ABI3BP: variants seen among roughly 807,000 people sequenced by gnomAD.
The protein encoded by ABI3BP is target of Nesh-SH3.
A neutral mutation model predicts 268.6 loss-of-function variants in ABI3BP; 216 were observed. The observed-to-expected ratio is 0.80, with a 90% CI of 0.72 to 0.90. The LOEUF is 0.90. ABI3BP is among the 40% of genes least tolerant of loss of function. ABI3BP has a pLI of 0.00. For missense variants in ABI3BP, 2,090 were observed against 2,182.4 expected (o/e 0.96, Z 0.84); for synonymous variants, 730 against 730.0 (o/e 1.00, Z 0.00).
At chr3:100,956,787 CATG>C (rs916822623) in intron 1 of ABI3BP, among the ~76,000 whole-genome samples, 3 of 152,096 alleles carry the variant, frequency 2.0e-5, no homozygotes, top group Non-Finnish European at 4.4e-5. Flanking sequence ...GGAAACAGAT[CATG>C]ATAATAATGG....
In ABI3BP at chr3:100,750,023, C is replaced by CT. The variant is rs2095233997; in HGVS notation, c.*471dup. ...TAAATATAAATGTGAAAATTCGGAC[C>CT]TTTTTTCCCCAGATATACATGCTGA... On this transcript the variant is annotated 3_prime_UTR_variant, in exon 68 of 68. Coordinates refer to ENST00000471714, the MANE Select transcript of ABI3BP (RefSeq NM_001375547.2). 1 of 306,880 alleles carries CT rather than the reference C, an allele frequency of 3.3e-6. No homozygotes were observed. The highest frequency in any genetic ancestry group is 5.9e-6 in the Non-Finnish European group (1 of 169,888). 19.0% of individuals were successfully genotyped at this position (306,880 alleles called of 1,614,324 possible). A position where few individuals can be genotyped will look rare whatever the true frequency, so the allele number is the denominator to read the frequency against.
At position 100,850,571 on chromosome 3, in the gene ABI3BP, GAATGA is replaced by G. The variant is rs1298413707; in HGVS notation, c.1426+84_1426+88del. The G allele has an allele frequency of 1.5e-5, 14 of 932,862 alleles. No homozygotes were observed. The East Asian group carries it at 2.9e-4, about 19-fold the overall frequency. 57.8% of individuals were successfully genotyped at this position (932,862 alleles called of 1,614,324 possible). The stretch of plus-strand genomic sequence containing the variant: ...GATAGATAAATGATTAGATGTGATG[GAATGA>G]AATGGTCATTTGGAAGAAAGGCATT... On this transcript the variant is annotated intron_variant, in intron 16 of 67. Transcript: ENST00000471714.
intron 1 of ABI3BP, among the ~76,000 whole-genome samples, chr3:100,965,448 T>C (rs2080904349): frequency 6.6e-6 from 1 of 151,842 alleles, no homozygotes; most frequent in African/African-American, 2.4e-5. Flanking sequence ...AAGTACATCC[T>C]ATTAAATTTG....
chr3:100,917,320 C>T (rs1346343367), intron 2 of ABI3BP, among the ~76,000 whole-genome samples: 2 of 152,062 alleles, frequency 1.3e-5, no homozygotes, highest in African/African-American at 4.8e-5. Flanking sequence ...CATGGCATAG[C>T]ACTTGGTATG....
chr3:100,813,816 A>G lies in ABI3BP; in HGVS notation c.3290-81T>C, dbSNP rs140993976. On this transcript the variant is annotated intron_variant, in intron 44 of 67. Coordinates refer to ENST00000471714, the MANE Select transcript of ABI3BP (RefSeq NM_001375547.2). ...TTTTAGACAGAGGTAGCAGTGAAAT[A>G]AAATACACAGACCCTGAAAATCATG... is the stretch of plus-strand genomic sequence containing the variant. The G allele has an allele frequency of 9.6e-5, 112 of 1,170,722 alleles. No individual in the cohort carries two copies. The African/African-American group carries it at 1.3e-3, about 14-fold the overall frequency. The allele number at this position is 1,170,722 out of a possible 1,614,324, so 72.5% of individuals were successfully genotyped here.
At chr3:100,814,258 C>G (rs1480465713) in intron 44 of ABI3BP, among the ~76,000 whole-genome samples, 1 of 152,064 alleles carries the variant, frequency 6.6e-6, no homozygotes, top group East Asian at 1.9e-4. Context: ...TTCTCATGGA[C>G]TATTGTATCT....
chr3:100,919,728 A>C (rs1173306567), intron 2 of ABI3BP, among the ~76,000 whole-genome samples: 1 of 152,220 alleles, frequency 6.6e-6, no homozygotes, highest in Middle Eastern at 3.2e-3. Context: ...TTATCTGTTT[A>C]GTAGGACAGG....
intron 61 of ABI3BP, among the ~76,000 whole-genome samples, chr3:100,771,355 G>C (rs1019666107): frequency 3.3e-5 from 5 of 151,748 alleles, no homozygotes; most frequent in Admixed American, 6.6e-5. Flanking sequence ...GTATTTTACT[G>C]TATCCCAGAA....
rs1459278074 is a variant in ABI3BP, at chr3:100,816,768, G to A, written c.3149C>T (p.Ala1050Val). 7 of 1,535,570 alleles carry A rather than the reference G, an allele frequency of 4.6e-6. No individual in the cohort carries two copies. The highest frequency in any genetic ancestry group is 6.1e-6 in the Non-Finnish European group (7 of 1,146,556). ...ACGACGTGTCCGTTGTGTTTTAGGA[G>A]CTGAAGGAAGAAACTTTGGATTACT... ...FRTKFPETTLAPKTQRTRRPR... is the reference protein window; with the variant it reads ...FRTKFPETTLVPKTQRTRRPR... Residue 1050 changes from alanine to valine, a missense_variant and splice_region_variant, in exon 43 of 68, where the codon GCT (alanine) becomes GTT (valine). Coordinates refer to ENST00000471714, the MANE Select transcript of ABI3BP (RefSeq NM_001375547.2).
chr3:100,852,787 T>G (rs1054108484), intron 14 of ABI3BP, among the ~76,000 whole-genome samples: 2 of 152,212 alleles, frequency 1.3e-5, no homozygotes, highest in South Asian at 2.1e-4. Flanking sequence ...GAAAGTAGTA[T>G]GAGCTTAAAT....
intron 1 of ABI3BP, among the ~76,000 whole-genome samples, chr3:100,956,585 A>G (rs2076933500): frequency 6.6e-6 from 1 of 152,210 alleles, no homozygotes; most frequent in African/African-American, 2.4e-5. Flanking sequence ...ATATGTTTGT[A>G]TGTTTTTAAG....
intron 1 of ABI3BP, among the ~76,000 whole-genome samples, chr3:100,968,280 A>T (rs1176205813): frequency 6.6e-6 from 1 of 152,234 alleles, no homozygotes; most frequent in Non-Finnish European, 1.5e-5. Flanking sequence ...TAAAATGCCA[A>T]GGAAGGAATT....
At chr3:100,824,573 TCTAC>T (rs1329786995) in intron 36 of ABI3BP, among the ~76,000 whole-genome samples, 1 of 152,224 alleles carries the variant, frequency 6.6e-6, no homozygotes, top group African/African-American at 2.4e-5. Flanking sequence ...CTAAAGAAGT[TCTAC>T]CTTTAAGATG....
At chr3:100,829,278 G>C (rs749192126) in intron 33 of ABI3BP, among the ~76,000 whole-genome samples, 1 of 152,090 alleles carries the variant, frequency 6.6e-6, no homozygotes, top group Non-Finnish European at 1.5e-5. Context: ...TGTGACTTAC[G>C]TGACTCCTAT....
At chr3:100,844,510 G>T (rs1004953437) in intron 20 of ABI3BP, 2 of 961,876 alleles carry the variant, frequency 2.1e-6, no homozygotes, top group Non-Finnish European at 2.5e-6. Context: ...AAAAATAGAA[G>T]AGTGTGCGGA....
chr3:100,751,749 C>T, intron 66 of ABI3BP, 75 bp from the exon 67 acceptor site: 2 of 1,413,620 alleles, frequency 1.4e-6, no homozygotes, highest in Non-Finnish European at 1.9e-6. Flanking sequence ...ATCATCATTA[C>T]TGTTTTTGTA....
rs905482407 is a variant in ABI3BP, at chr3:100,780,009, G to C, written c.4240+123C>G. 7.7e-5 allele frequency: 60 copies of C among 780,430 alleles called. No individual in the cohort carries two copies. In the Middle Eastern group the frequency reaches 1.2e-3, roughly 16 times the overall value. 48.3% of individuals were successfully genotyped at this position (780,430 alleles called of 1,614,324 possible). A position where few individuals can be genotyped will look rare whatever the true frequency, so the allele number is the denominator to read the frequency against. On this transcript the variant is annotated intron_variant, in intron 58 of 67. Transcript: ENST00000471714. ...TCCTAGCAATACCCATGCACTGTGT[G>C]TGTGGTTCTGATACTTCGGGGGCTG... is the stretch of plus-strand genomic sequence containing the variant.
chr3:100,834,512 A>G (rs1191841427), intron 29 of ABI3BP, among the ~76,000 whole-genome samples, 172 bp downstream of exon 29: 1 of 152,200 alleles, frequency 6.6e-6, no homozygotes, highest in Non-Finnish European at 1.5e-5. Flanking sequence ...TCACGCAATC[A>G]GAATGAGGAA....
intron 1 of ABI3BP, among the ~76,000 whole-genome samples, chr3:100,944,237 C>G (rs1255758009): frequency 6.6e-6 from 1 of 152,024 alleles, no homozygotes; most frequent in Non-Finnish European, 1.5e-5. Flanking sequence ...TTTAAAAATC[C>G]TGTCCTTACA....
Sources: gnomAD v4.1 joint callset for allele counts (sites outside exome capture counted in the v4.1 genomes callset) on GRCh38, gnomAD v4.1.1 for gene constraint, MANE v1.5 for transcripts, NCBI Gene and HGNC (gene_info 2026-07-23, HGNC 2026-07-21) for gene names.